WDR47: variants seen among roughly 807,000 people sequenced by gnomAD.
The protein encoded by WDR47 is WD repeat domain 47.
WDR47 carries 32 observed loss-of-function variants against 97.2 expected under a neutral mutation model. That is an observed-to-expected ratio of 0.33 (90% confidence interval 0.25 to 0.44). The LOEUF (loss-of-function observed/expected upper bound fraction) is 0.44, where lower values mean the gene tolerates loss of function less well. WDR47 is among the 20% of genes least tolerant of loss of function. WDR47 has a pLI of 1.00. For missense variants in WDR47, 782 were observed against 1,102.3 expected (o/e 0.71, Z 4.11); for synonymous variants, 375 against 373.5 (o/e 1.00, Z -0.05).
At chr1:109,017,415 C>T (rs1369803663) in intron 3 of WDR47, 103 bp downstream of exon 3, 2 of 933,186 alleles carry the variant, frequency 2.1e-6, no homozygotes. Context: ...ACTCTCTGTT[C>T]AAGGCCAGTG....
intron 14 of WDR47, 49 bp downstream of exon 14, chr1:108,974,486 TC>T: frequency 6.7e-7 from 1 of 1,493,528 alleles, no homozygotes; most frequent in Non-Finnish European, 9.2e-7. Context: ...AAAATAAAGG[TC>T]CCAAATAGAA....
chr1:108,991,211 G>A (rs1223015663), intron 9 of WDR47, 43 bp downstream of exon 9: 6 of 1,546,198 alleles, frequency 3.9e-6, no homozygotes, highest in Non-Finnish European at 5.3e-6. Flanking sequence ...AAAATTTACA[G>A]GTGCATATGA....
chr1:109,023,602 A>C, intron 1 of WDR47, 81 bp from the exon 2 acceptor site: 1 of 1,389,816 alleles, frequency 7.2e-7, no homozygotes, highest in Non-Finnish European at 9.8e-7. Context: ...TACACATAAC[A>C]GGTTTACTGG....
At chr1:109,006,416 T>C (rs926124289) in intron 5 of WDR47, among the ~76,000 whole-genome samples, 1 of 152,138 alleles carries the variant, frequency 6.6e-6, no homozygotes, top group East Asian at 1.9e-4. Flanking sequence ...CTGAGGAGTT[T>C]TTTGGCTACC....
intron 7 of WDR47, among the ~76,000 whole-genome samples, chr1:109,001,355 G>T (rs1440290952): frequency 1.3e-5 from 2 of 152,034 alleles, no homozygotes; most frequent in African/African-American, 4.8e-5. Flanking sequence ...ACACGTGTGT[G>T]TATATATTTC....
chr1:108,983,627 A>G (rs774704540), intron 10 of WDR47, among the ~76,000 whole-genome samples, 176 bp from the exon 11 acceptor site: 19 of 152,280 alleles, frequency 1.2e-4, no homozygotes, highest in South Asian at 1.2e-3. Flanking sequence ...AAAACCCAAA[A>G]AGTAAAATTA....
In WDR47 at chr1:108,974,711, G is replaced by C. The variant is rs1657748149; in HGVS notation, c.2442C>G (p.Leu814=). Residue 814 remains leucine (L), a synonymous_variant, in exon 14 of 15, where the codon CTC becomes CTG. Coordinates refer to ENST00000369962, the MANE Select transcript of WDR47 (RefSeq NM_001142551.2). ...TAGAATCTTCTTGACCTGTGGCTAAGAGACGACCACTGGGATCTACAGCTA... is the reference window on the plus strand; with the variant it reads ...TAGAATCTTCTTGACCTGTGGCTAACAGACGACCACTGGGATCTACAGCTA... The part of the protein sequence containing the change: ...ASVAVDPSGR[L]LATGQEDSSC... The C allele has an allele frequency of 1.2e-6, 2 of 1,613,784 alleles. No individual in the cohort carries two copies. The highest frequency in any genetic ancestry group is 1.7e-6 in the Non-Finnish European group (2 of 1,179,870).
At position 108,974,742 on chromosome 1, in the gene WDR47, G is replaced by A. The variant is rs1358055481; in HGVS notation, c.2411C>T (p.Ala804Val). 6.2e-7 allele frequency: 1 copy of A among 1,610,118 alleles called. No homozygotes were observed. The highest frequency in any genetic ancestry group is 8.5e-7 in the Non-Finnish European group (1 of 1,177,810). The change falls in exon 14 of 15, where the codon GCA becomes GTA. Residue 804 changes from alanine to valine, a missense_variant. Physicochemically the swap from Ala to Val is moderately conservative, Grantham distance 64 (BLOSUM62 0). Around this residue, in one of 3 missense-constraint regions of WDR47, gnomAD observed 228 missense variants for 396.7 expected, o/e 0.57. Transcript: ENST00000369962. ...TTFHGTGSAVASVAVDPSGRL... is the reference protein window; with the variant it reads ...TTFHGTGSAVVSVAVDPSGRL... ...ACCACTGGGATCTACAGCTACAGAT[G>A]CCACTGCACTGCCTGTAGTGGTAGG...
intron 10 of WDR47, among the ~76,000 whole-genome samples, chr1:108,984,351 CAT>C (rs1052138448): frequency 1.3e-5 from 2 of 152,050 alleles, no homozygotes; most frequent in African/African-American, 4.8e-5. Flanking sequence ...AGAAAATGTA[CAT>C]GTTTCTGGAG....
At chr1:109,013,978 C>T in intron 3 of WDR47, 53 bp from the exon 4 acceptor site, 1 of 1,329,096 alleles carries the variant, frequency 7.5e-7, no homozygotes. Context: ...GTCAAATATA[C>T]TTAGAAGTTA....
At chr1:109,027,500 T>C (rs1662291581) in intron 1 of WDR47, among the ~76,000 whole-genome samples, 1 of 152,152 alleles carries the variant, frequency 6.6e-6, no homozygotes, top group South Asian at 2.1e-4. Flanking sequence ...CCCAAAATCT[T>C]ACCTCTGTAA....
intron 9 of WDR47, among the ~76,000 whole-genome samples, chr1:108,989,362 T>C (rs981755440): frequency 2.0e-5 from 3 of 152,352 alleles, no homozygotes; most frequent in East Asian, 3.9e-4. Flanking sequence ...GAAAAGACTA[T>C]GCCTCTCTCT....
At chr1:109,001,285 T>C (rs1321019253) in intron 7 of WDR47, among the ~76,000 whole-genome samples, 2 of 151,784 alleles carry the variant, frequency 1.3e-5, no homozygotes, top group Non-Finnish European at 2.9e-5. Context: ...TAAAATTCCA[T>C]CCCAAGAATG....
chr1:108,998,340 T>C (rs969501998), intron 7 of WDR47, among the ~76,000 whole-genome samples: 11 of 151,890 alleles, frequency 7.2e-5, no homozygotes, highest in African/African-American at 2.4e-4. Flanking sequence ...TCGTCTTTAC[T>C]AAAAATACAA....
chr1:108,998,818 T>C (rs1230963951), intron 7 of WDR47, among the ~76,000 whole-genome samples: 1 of 152,076 alleles, frequency 6.6e-6, no homozygotes, highest in Non-Finnish European at 1.5e-5. Context: ...GAATAAAACA[T>C]TGAGAGGAAA....
At chr1:109,022,576 G>T (rs1021649530) in intron 2 of WDR47, among the ~76,000 whole-genome samples, 1 of 152,046 alleles carries the variant, frequency 6.6e-6, no homozygotes, top group Admixed American at 6.6e-5. Context: ...TTTTGTAAAT[G>T]TTCCTTTTTT....
At position 109,019,968 on chromosome 1, in the gene WDR47, G is replaced by A. The variant is rs531202129; in HGVS notation, c.159-2367C>T. ...AAGAAATATTAATAAAAGCAAGATG[G>A]GCACAGTGGCTCATGCCTGTAAATC... On this transcript the variant is annotated intron_variant, in intron 2 of 14. Transcript: ENST00000369962. Among the ~76,000 whole-genome samples, 429 of 152,162 alleles carry A rather than the reference G, an allele frequency of 2.8e-3. 3 individuals carry two copies. Among genetic ancestry groups the A allele is most frequent in the Non-Finnish European group, 4.2e-3 (287 of 67,996 alleles).
chr1:109,017,625 C>G (rs754347376), intron 2 of WDR47, 24 bp from the exon 3 acceptor site: 2 of 1,582,330 alleles, frequency 1.3e-6, no homozygotes, highest in Admixed American at 3.7e-5. Context: ...TTAAAAAAAC[C>G]AGCATGTCAC....
intron 5 of WDR47, among the ~76,000 whole-genome samples, chr1:109,006,211 A>G (rs1187279682): frequency 1.3e-5 from 2 of 152,112 alleles, no homozygotes; most frequent in Non-Finnish European, 2.9e-5. Context: ...CCTGACCAAC[A>G]TGGAAAAACC....
Sources: gnomAD v4.1 joint callset for allele counts (sites outside exome capture counted in the v4.1 genomes callset) on GRCh38, gnomAD v4.1.1 for gene constraint, gnomAD v4.1.1 regional missense constraint, MANE v1.5 for transcripts, NCBI Gene and HGNC (gene_info 2026-07-23, HGNC 2026-07-21) for gene names.